Variants in NME5 observed in about 807,000 individuals in gnomAD.
The protein encoded by NME5 is NME/NM23 family member 5, also known as nucleoside diphosphate kinase 5.
NME5 carries 18 observed loss-of-function variants against 21.6 expected under a neutral mutation model. That is an observed-to-expected ratio of 0.83 (90% CI 0.58 to 1.24). NME5 has a LOEUF of 1.24. Among genes scored for constraint, NME5 ranks in the 50% most tolerant of loss-of-function variants. NME5 has a pLI of 0.00. For missense variants in NME5, 223 were observed against 255.4 expected (o/e 0.87, Z 0.86); for synonymous variants, 70 against 80.6 (o/e 0.87, Z 0.71).
chr5:138,125,731 C>T (rs997489176), intron 4 of NME5, among the ~76,000 whole-genome samples: 11 of 152,210 alleles, frequency 7.2e-5, no homozygotes, highest in African/African-American at 2.2e-4. Flanking sequence ...TCTCCTGCCT[C>T]AGCCTTCTGA....
chr5:138,115,292 A>G lies in NME5; in HGVS notation c.*389T>C, dbSNP rs62383493. 8.2e-3 allele frequency: 1,261 copies of G among 154,502 alleles called. 7 individuals are homozygous for G. Among genetic ancestry groups the G allele is most frequent in the Non-Finnish European group, 0.014 (941 of 69,670 alleles). The allele number at this position is 154,502 out of a possible 1,614,324, so 9.6% of individuals were successfully genotyped here. On this transcript the variant is annotated 3_prime_UTR_variant, in exon 6 of 6. Coordinates refer to ENST00000265191, the MANE Select transcript of NME5 (RefSeq NM_003551.3). ...TGAAACCAAATCACCATGCTTATGG[A>G]CTACAAAAGGACCTAAGCCTTTTAA...
intron 4 of NME5, 92 bp from the exon 5 acceptor site, chr5:138,119,028 A>G (rs1259614268): frequency 4.2e-6 from 3 of 711,186 alleles, no homozygotes; most frequent in Non-Finnish European, 6.9e-6. Flanking sequence ...ACTTTTCTCT[A>G]TTTTTTTATA....
intron 2 of NME5, among the ~76,000 whole-genome samples, chr5:138,133,182 G>A (rs981397457): frequency 2.6e-5 from 4 of 151,418 alleles, no homozygotes; most frequent in African/African-American, 9.7e-5. Flanking sequence ...CTCACTGCGA[G>A]CTCCGCCTAC....
chr5:138,136,725 C>T (rs968928777), intron 2 of NME5, among the ~76,000 whole-genome samples: 5 of 152,016 alleles, frequency 3.3e-5, no homozygotes, highest in Non-Finnish European at 1.5e-5. Flanking sequence ...TCACGGCAAC[C>T]TCCGCCTCCC....
intron 4 of NME5, among the ~76,000 whole-genome samples, chr5:138,126,339 G>A (rs955995379): frequency 1.3e-5 from 2 of 151,064 alleles, no homozygotes; most frequent in Non-Finnish European, 3.0e-5. Flanking sequence ...GCAAAACTCC[G>A]CTTCTACAAA....
intron 2 of NME5, among the ~76,000 whole-genome samples, chr5:138,131,273 T>C (rs1300137264): frequency 6.8e-6 from 1 of 146,182 alleles, no homozygotes; most frequent in South Asian, 2.2e-4. Flanking sequence ...CCCAGGTGCT[T>C]GGGAGGCTGA....
intron 4 of NME5, among the ~76,000 whole-genome samples, chr5:138,124,126 A>G (rs1413032368): frequency 6.7e-6 from 1 of 149,410 alleles, no homozygotes; most frequent in Non-Finnish European, 1.5e-5. Context: ...CCTCCCGAGT[A>G]GCTGGGATTA....
intron 3 of NME5, 21 bp downstream of exon 3, chr5:138,129,242 C>T (rs1240774821): frequency 2.0e-6 from 3 of 1,534,370 alleles, no homozygotes; most frequent in Non-Finnish European, 2.7e-6. Flanking sequence ...TCCCTGCCAT[C>T]CCCCAAACCC....
At chr5:138,119,191 T>G (rs1397894550) in intron 4 of NME5, among the ~76,000 whole-genome samples, 1 of 151,744 alleles carries the variant, frequency 6.6e-6, no homozygotes, top group Non-Finnish European at 1.5e-5. Flanking sequence ...CACACCCTGC[T>G]AATTTTTGTA....
At chr5:138,138,592 A>C (rs992984725) in intron 2 of NME5, 60 bp downstream of exon 2, 1 of 1,484,362 alleles carries the variant, frequency 6.7e-7, no homozygotes, top group Non-Finnish European at 9.2e-7. Context: ...CATTTACATA[A>C]GCATTTTTTT....
Position 138,132,839 on chromosome 5 carries a change from TAAATA to T in NME5, c.130-3376_130-3372del, listed in dbSNP as rs367913867. On this transcript the variant is annotated intron_variant, in intron 2 of 5. Transcript: ENST00000265191. ...CTCAAATTGAAATTCATACAGCGAT[TAAATA>T]AAAGATGTGAGAAATTACAAGAGCA... Among the ~76,000 whole-genome samples the T allele has an allele frequency of 4.3e-4, 65 of 152,276 alleles. No individual in the cohort carries two copies. In the East Asian group the frequency reaches 5.2e-3, roughly 12 times the overall value.
Position 138,138,773 on chromosome 5 carries a change from A to C in NME5, c.8T>G (p.Ile3Arg), listed in dbSNP as rs746709148. Residue 3 changes from isoleucine (I) to arginine (R), a missense_variant, in exon 2 of 6, where the codon ATA (isoleucine) becomes AGA (arginine). By Grantham distance (97) the Ile-to-Arg change is moderately conservative. Transcript: ENST00000265191. ME[I>R]SMPPPQIYVE... is the part of the protein sequence containing the mutation. ...ATATATCTGAGGTGGAGGCATTGAT[A>C]TCTCCATTATGGCTTTTCAGGGCAC... is the stretch of plus-strand genomic sequence containing the variant. 1 of 1,608,562 alleles carries C rather than the reference A, an allele frequency of 6.2e-7. No homozygotes were observed. The highest frequency in any genetic ancestry group is 8.5e-7 in the Non-Finnish European group (1 of 1,178,694).
rs1751226589 is a variant in NME5 at position 138,119,050 on chromosome 5, G to A, written c.437-114C>T. 6 of 622,516 alleles carry A rather than the reference G, an allele frequency of 9.6e-6. No homozygotes were observed. The Admixed American group carries it at 1.8e-4, about 19-fold the overall frequency. 38.6% of individuals were successfully genotyped at this position (622,516 alleles called of 1,614,324 possible). On this transcript the variant is annotated intron_variant, in intron 4 of 5. Transcript: ENST00000265191. ...TCTATTTTTTTATATGTTTTTTTGAGATGGAGTCTTACTCTGTTGCCTGGG... is the reference window on the plus strand; with the variant it reads ...TCTATTTTTTTATATGTTTTTTTGAAATGGAGTCTTACTCTGTTGCCTGGG...
intron 5 of NME5, chr5:138,116,597 C>T (rs1020481353): frequency 6.6e-6 from 1 of 152,102 alleles, no homozygotes; most frequent in Non-Finnish European, 1.5e-5. Flanking sequence ...AGCACATATA[C>T]CAAAACTGGA....
At chr5:138,139,113 T>C (rs1226204389) in intron 1 of NME5, 1 of 51,860 alleles carries the variant, frequency 1.9e-5, no homozygotes, top group Non-Finnish European at 3.9e-5. Context: ...CAGAGGGCGG[T>C]GGGGCGGGTG....
chr5:138,132,005 A>C (rs1255391899), intron 2 of NME5, among the ~76,000 whole-genome samples: 1 of 152,166 alleles, frequency 6.6e-6, no homozygotes, highest in African/African-American at 2.4e-5. Context: ...TTGGCCTCCC[A>C]AAGTGCTGGG....
chr5:138,128,518 CAA>C lies in NME5; in HGVS notation c.395_396del (p.Phe132CysfsTer13), dbSNP rs1751484808. The C allele has an allele frequency of 1.9e-6, 3 of 1,613,224 alleles. No homozygotes were observed. Among genetic ancestry groups the C allele is most frequent in the Non-Finnish European group, 2.5e-6 (3 of 1,179,752 alleles). Reference protein sequence around the residue: ...LRNALHGSNDFAAAEREIRFM... With the variant: ...LRNALHGSNDXAAAEREIRFM... ...AAACGTATTTCTCTTTCCGCAGCAG[CAA>C]AGTCATTACTCCCATGAAGTGCATT... On this transcript the variant is annotated frameshift_variant, in exon 4 of 6. Coordinates refer to ENST00000265191, the MANE Select transcript of NME5 (RefSeq NM_003551.3). LOFTEE classifies it high-confidence loss of function.
chr5:138,129,472 T>C lies in NME5; in HGVS notation c.130-4A>G. The C allele has an allele frequency of 2.5e-6, 4 of 1,608,738 alleles. No homozygotes were observed. Among genetic ancestry groups the C allele is most frequent in the South Asian group, 2.2e-5 (2 of 90,930 alleles). On this transcript the variant is annotated splice_polypyrimidine_tract_variant and splice_region_variant and intron_variant, in intron 2 of 5. Coordinates refer to ENST00000265191, the MANE Select transcript of NME5 (RefSeq NM_003551.3). ...GGCTGAGGCGTAGTTTTCTTCTCTA[T>C]AAAAGACACAAAGTCAACAAAAGCA...
At chr5:138,135,932 T>G (rs1045123668) in intron 2 of NME5, among the ~76,000 whole-genome samples, 2 of 151,788 alleles carry the variant, frequency 1.3e-5, no homozygotes, top group African/African-American at 4.8e-5. Flanking sequence ...TGATTTTGTG[T>G]TTTTTTTGCT....
Sources: gnomAD v4.1 joint callset for allele counts (sites outside exome capture counted in the v4.1 genomes callset) on GRCh38, gnomAD v4.1.1 for gene constraint, MANE v1.5 for transcripts, NCBI Gene and HGNC (gene_info 2026-07-23, HGNC 2026-07-21) for gene names.